ZC3H3: variants seen among roughly 807,000 people sequenced by gnomAD.
ZC3H3 encodes zinc finger CCCH domain-containing protein 3.
ZC3H3 carries 36 observed loss-of-function variants against 77.3 expected under a neutral mutation model. That is an observed-to-expected ratio of 0.47 (90% CI 0.36 to 0.61). The LOEUF is 0.61. Ranked by LOEUF, ZC3H3 falls within the 20% of genes least tolerant of loss-of-function variation. The pLI is 0.00. For synonymous variants in ZC3H3, 626 were observed against 555.2 expected (o/e 1.13, Z -1.79); for missense variants, 1,331 against 1,312.2 (o/e 1.01, Z -0.22).
rs1334846872 is a variant in ZC3H3 at position 143,493,343 on chromosome 8, GT to G, written c.1715+14402del. The stretch of plus-strand genomic sequence containing the variant: ...CGGAAAAAGTCCCAGAGGATCAGCG[GT>G]GTCCCTCAGGGACATCCCAGCCTCG... On this transcript the variant is annotated intron_variant, in intron 4 of 11. Transcript: ENST00000262577. This position sits in a 1 kb window ranked among gnomAD's most constrained non-coding sequence, Gnocchi z 4.8. Among the ~76,000 whole-genome samples, 3 of 152,192 alleles carry G rather than the reference GT, an allele frequency of 2.0e-5. No individual in the cohort carries two copies. Among genetic ancestry groups the G allele is most frequent in the African/African-American group, 7.2e-5 (3 of 41,438 alleles).
At chr8:143,448,219 C>T (rs7827709) in intron 9 of ZC3H3, among the ~76,000 whole-genome samples, 150,995 of 151,806 alleles carry the variant, frequency 0.99, 75,097 homozygotes, top group Non-Finnish European at 1. Context: ...GGCAGGAGAA[C>T]CGCTTGAACC....
chr8:143,468,294 A>G lies in ZC3H3; in HGVS notation c.2106-16T>C. The G allele has an allele frequency of 6.2e-7, 1 of 1,612,832 alleles. No individual in the cohort carries two copies. The highest frequency in any genetic ancestry group is 8.5e-7 in the Non-Finnish European group (1 of 1,179,808). ...CCGGACAAACCTGCAGCACCAGGAG[A>G]AACGGGTATGAGGAAGGGCCGGCAG... On this transcript the variant is annotated splice_polypyrimidine_tract_variant and intron_variant, in intron 7 of 11. Transcript: ENST00000262577.
At chr8:143,463,718 G>A (rs953685691) in intron 9 of ZC3H3, among the ~76,000 whole-genome samples, 1 of 152,208 alleles carries the variant, frequency 6.6e-6, no homozygotes, top group Non-Finnish European at 1.5e-5. Context: ...CCAGGACAGG[G>A]ACGCCTACTG....
chr8:143,539,502 T>C (rs1353542563), intron 1 of ZC3H3, among the ~76,000 whole-genome samples, 182 bp from the exon 2 acceptor site: 2 of 152,204 alleles, frequency 1.3e-5, no homozygotes, highest in African/African-American at 4.8e-5. Context: ...CCGCGTCACC[T>C]GGGCCTGTCG....
chr8:143,474,078 C>T (rs1021002683), intron 5 of ZC3H3, among the ~76,000 whole-genome samples: 1 of 152,188 alleles, frequency 6.6e-6, no homozygotes, highest in Non-Finnish European at 1.5e-5. Context: ...CTCACCAAGG[C>T]CCCCATGTTC....
At chr8:143,525,579 C>T (rs1268616172) in intron 3 of ZC3H3, among the ~76,000 whole-genome samples, 5 of 152,200 alleles carry the variant, frequency 3.3e-5, no homozygotes, top group African/African-American at 1.2e-4. Flanking sequence ...CCTTGCATGT[C>T]GCCCTGCTCC....
intron 5 of ZC3H3, among the ~76,000 whole-genome samples, chr8:143,474,317 C>T (rs1467707326): frequency 2.0e-5 from 3 of 152,206 alleles, no homozygotes; most frequent in Non-Finnish European, 2.9e-5. Flanking sequence ...TCACCAGATC[C>T]TCAGCGAGTG....
At chr8:143,536,538 G>C in intron 2 of ZC3H3, 85 bp from the exon 3 acceptor site, 4 of 1,353,996 alleles carry the variant, frequency 3.0e-6, no homozygotes, top group Non-Finnish European at 2.9e-6. Flanking sequence ...CGAGGAGCGT[G>C]GGAGCAGCTC....
intron 4 of ZC3H3, among the ~76,000 whole-genome samples, chr8:143,492,406 A>G (rs1013441890): frequency 6.6e-6 from 1 of 152,038 alleles, no homozygotes; most frequent in Non-Finnish European, 1.5e-5. Flanking sequence ...ATCCCCCACC[A>G]TCTGGACCCT....
chr8:143,505,940 T>C (rs965033081), intron 4 of ZC3H3, among the ~76,000 whole-genome samples: 2 of 152,230 alleles, frequency 1.3e-5, no homozygotes, highest in South Asian at 4.1e-4. Context: ...GCAGGGCAGC[T>C]GGCCAGGCTT....
intron 9 of ZC3H3, among the ~76,000 whole-genome samples, chr8:143,443,683 A>G (rs995231801): frequency 1.3e-5 from 2 of 152,248 alleles, no homozygotes; most frequent in Non-Finnish European, 2.9e-5. Context: ...CTTTTAAAAC[A>G]GTAATCAATT....
At chr8:143,539,363 C>A in intron 1 of ZC3H3, 43 bp from the exon 2 acceptor site, 1 of 1,531,280 alleles carries the variant, frequency 6.5e-7, no homozygotes. Context: ...AGAGGGTAAC[C>A]GCGATAATCA....
chr8:143,440,408 G>A, intron 10 of ZC3H3, 45 bp from the exon 11 acceptor site: 2 of 1,492,522 alleles, frequency 1.3e-6, no homozygotes, highest in Non-Finnish European at 1.8e-6. Flanking sequence ...GGTGACGGGT[G>A]GGGATCCCAG....
intron 3 of ZC3H3, among the ~76,000 whole-genome samples, chr8:143,532,721 G>A (rs1251170155): frequency 6.6e-6 from 1 of 152,250 alleles, no homozygotes; most frequent in Admixed American, 6.5e-5. Context: ...GGACAGGCAG[G>A]CCTCAGTTCC....
chr8:143,494,683 C>G lies in ZC3H3; in HGVS notation c.1715+13063G>C, dbSNP rs1176829831. Among the ~76,000 whole-genome samples, 1 of 152,138 alleles carries G rather than the reference C, an allele frequency of 6.6e-6. No individual in the cohort carries two copies. Among genetic ancestry groups the G allele is most frequent in the Non-Finnish European group, 1.5e-5 (1 of 67,998 alleles). On this transcript the variant is annotated intron_variant, in intron 4 of 11. Coordinates refer to ENST00000262577, the MANE Select transcript of ZC3H3 (RefSeq NM_015117.3). The surrounding 1 kb of genome is among the most constrained non-coding windows in gnomAD (Gnocchi z 5.3). Reference sequence around the variant, plus strand: ...GGGATGGGAGCACAGGAACACAGCCCCCAGAGGGCCAGGAGCCCCCACACT... The same window carrying G: ...GGGATGGGAGCACAGGAACACAGCCGCCAGAGGGCCAGGAGCCCCCACACT...
chr8:143,529,021 G>A (rs1024759857), intron 3 of ZC3H3, among the ~76,000 whole-genome samples: 3 of 152,232 alleles, frequency 2.0e-5, no homozygotes, highest in East Asian at 1.9e-4. Flanking sequence ...GCTGGCACGC[G>A]ATCTTAGAGG....
intron 9 of ZC3H3, 60 bp from the exon 10 acceptor site, chr8:143,441,180 A>T: frequency 7.4e-7 from 1 of 1,349,054 alleles, no homozygotes; most frequent in Non-Finnish European, 9.5e-7. Context: ...CTGCACGGGG[A>T]AGGCAAGGAG....
chr8:143,478,163 T>C (rs770431687), intron 4 of ZC3H3, among the ~76,000 whole-genome samples: 2 of 152,244 alleles, frequency 1.3e-5, no homozygotes, highest in African/African-American at 2.4e-5. Context: ...GAGGAGATGG[T>C]TGGGAGGGAG....
chr8:143,502,171 G>A (rs379761), intron 4 of ZC3H3, among the ~76,000 whole-genome samples: 4,247 of 152,342 alleles, frequency 0.028, 179 homozygotes, highest in African/African-American at 0.096. Flanking sequence ...GGTCTCAAAC[G>A]TCCGGCCCAG....
Sources: allele counts gnomAD v4.1 joint callset (sites outside exome capture counted in the v4.1 genomes callset), GRCh38; gene constraint gnomAD v4.1.1; non-coding constraint Gnocchi (gnomAD v3.1); transcripts MANE v1.5; gene names NCBI Gene and HGNC (gene_info 2026-07-23, HGNC 2026-07-21).